FMNL2: variants seen among roughly 807,000 people sequenced by gnomAD.
FMNL2 encodes formin-like protein 2.
In FMNL2, 51 loss-of-function variants were observed where a neutral mutation model predicts 130.2. That is an observed-to-expected ratio of 0.39 (90% confidence interval 0.31 to 0.49). FMNL2 has a LOEUF of 0.49. Among genes scored for constraint, FMNL2 ranks in the 20% least tolerant of loss-of-function variants. The pLI, the probability that FMNL2 is intolerant of heterozygous loss-of-function variation, is 0.85. For synonymous variants in FMNL2, 465 were observed against 467.1 expected, an observed-to-expected ratio of 1.00 and a Z score of 0.06; for missense variants, 977 against 1,316.2, an observed-to-expected ratio of 0.74 and a Z score of 3.99.
At chr2:152,489,666 G>C (rs529543346) in intron 1 of FMNL2, among the ~76,000 whole-genome samples, 1 of 152,206 alleles carries the variant, frequency 6.6e-6, no homozygotes, top group Non-Finnish European at 1.5e-5. Context: ...ATAGTTGACA[G>C]TATTTTCCTT....
chr2:152,581,879 G>A (rs952168209), intron 9 of FMNL2, among the ~76,000 whole-genome samples: 2 of 152,152 alleles, frequency 1.3e-5, no homozygotes, highest in Non-Finnish European at 2.9e-5. Flanking sequence ...AATTCCAAAT[G>A]CTTTTGGATT....
intron 16 of FMNL2, 143 bp downstream of exon 16, chr2:152,625,705 T>G (rs1681740414): frequency 1.0e-6 from 1 of 983,674 alleles, no homozygotes; most frequent in East Asian, 2.5e-5. Flanking sequence ...TATGTAATAT[T>G]GGAGAATAAC....
intron 1 of FMNL2, among the ~76,000 whole-genome samples, chr2:152,392,049 T>C (rs1685145193): frequency 6.6e-6 from 1 of 152,094 alleles, no homozygotes; most frequent in Non-Finnish European, 1.5e-5. Context: ...ATTCATTCTT[T>C]AATTTCAAAT....
intron 1 of FMNL2, among the ~76,000 whole-genome samples, chr2:152,421,607 A>G (rs1012164986): frequency 2.6e-5 from 4 of 152,196 alleles, no homozygotes; most frequent in African/African-American, 9.6e-5. Flanking sequence ...GCTTTCTCCA[A>G]AGCCTTCTCA....
At chr2:152,395,691 A>G (rs1020858908) in intron 1 of FMNL2, among the ~76,000 whole-genome samples, 1 of 152,262 alleles carries the variant, frequency 6.6e-6, no homozygotes, top group Non-Finnish European at 1.5e-5. Flanking sequence ...GGCTCACATG[A>G]AATTGAGAGG....
At chr2:152,615,105 G>C in intron 12 of FMNL2, 105 bp downstream of exon 12, 4 of 1,256,552 alleles carry the variant, frequency 3.2e-6, no homozygotes, top group Non-Finnish European at 2.3e-6. Context: ...TGGAGTATAG[G>C]AATAGGCCAT....
chr2:152,508,833 T>A (rs1207564755), intron 1 of FMNL2, among the ~76,000 whole-genome samples: 2 of 152,186 alleles, frequency 1.3e-5, no homozygotes. Flanking sequence ...GATTTCTGCA[T>A]CCTGCCACCC....
At chr2:152,583,090 G>T (rs1696882017) in intron 9 of FMNL2, among the ~76,000 whole-genome samples, 1 of 152,182 alleles carries the variant, frequency 6.6e-6, no homozygotes, top group Non-Finnish European at 1.5e-5. Flanking sequence ...TAGCTATTTA[G>T]GGTGTAGTAT....
chr2:152,594,484 T>G (rs887711543), intron 9 of FMNL2, among the ~76,000 whole-genome samples: 5 of 152,126 alleles, frequency 3.3e-5, no homozygotes, highest in African/African-American at 1.2e-4. Flanking sequence ...ACTTGGAAGG[T>G]GGCTGCGTCA....
chr2:152,421,734 T>C (rs1040482401), intron 1 of FMNL2, among the ~76,000 whole-genome samples: 2 of 152,162 alleles, frequency 1.3e-5, no homozygotes, highest in Admixed American at 1.3e-4. Context: ...TCCTTTGTAC[T>C]GAGTCATGTG....
At chr2:152,586,993 CTG>C (rs1697117124) in intron 9 of FMNL2, among the ~76,000 whole-genome samples, 1 of 152,178 alleles carries the variant, frequency 6.6e-6, no homozygotes, top group Non-Finnish European at 1.5e-5. Flanking sequence ...CATCTGGAGG[CTG>C]TTTCACCCAC....
intron 7 of FMNL2, 151 bp from the exon 8 acceptor site, chr2:152,578,737 A>G: frequency 1.8e-6 from 1 of 549,380 alleles, no homozygotes. Context: ...ATATGCTCTG[A>G]CAGTGATATA....
chr2:152,583,673 G>A (rs1201162779), intron 9 of FMNL2, among the ~76,000 whole-genome samples: 1 of 152,182 alleles, frequency 6.6e-6, no homozygotes, highest in African/African-American at 2.4e-5. Flanking sequence ...CATAGAATAA[G>A]GTCCTAGGAG....
chr2:152,589,190 A>G (rs189347068), intron 9 of FMNL2, among the ~76,000 whole-genome samples: 70 of 152,184 alleles, frequency 4.6e-4, no homozygotes, highest in Middle Eastern at 6.8e-3. Context: ...GTACAAATGT[A>G]GAGATGCTTT....
chr2:152,378,299 A>G (rs2105887504), intron 1 of FMNL2, among the ~76,000 whole-genome samples: 1 of 152,288 alleles, frequency 6.6e-6, no homozygotes, highest in African/African-American at 2.4e-5. Flanking sequence ...GTTTGCTCTA[A>G]GTAATGTTTA....
chr2:152,338,820 TAC>T (rs58367779), intron 1 of FMNL2, among the ~76,000 whole-genome samples: 7,313 of 148,862 alleles, frequency 0.049, 473 homozygotes, highest in African/African-American at 0.15. Flanking sequence ...GAAGGTGAGA[TAC>T]ACACACACAC....
chr2:152,597,190 T>A (rs969000856), intron 9 of FMNL2, among the ~76,000 whole-genome samples: 1 of 151,768 alleles, frequency 6.6e-6, no homozygotes, highest in African/African-American at 2.4e-5. Flanking sequence ...ATGTGTTTGC[T>A]TAATTTTTAT....
At position 152,358,821 on chromosome 2, in the gene FMNL2, A is replaced by G. The variant is rs76748669; in HGVS notation, c.117+23101A>G. 9.4e-3 allele frequency among the ~76,000 whole-genome samples: 1,435 copies of G among 152,290 alleles called. 8 individuals carry two copies. Among genetic ancestry groups the G allele is most frequent in the Non-Finnish European group, 0.016 (1,081 of 68,020 alleles). Reference sequence around the variant, plus strand: ...AACGTTACAATCAAAATCCTTGTCTATGTCACCTGATGCACAGGTATAAAT... The same window carrying G: ...AACGTTACAATCAAAATCCTTGTCTGTGTCACCTGATGCACAGGTATAAAT... On this transcript the variant is annotated intron_variant, in intron 1 of 25. Coordinates refer to ENST00000288670, the MANE Select transcript of FMNL2 (RefSeq NM_052905.4).
rs531642031 is a variant in FMNL2, at chr2:152,362,294, T to C, written c.117+26574T>C. Among the ~76,000 whole-genome samples the C allele has an allele frequency of 9.2e-5, 14 of 152,326 alleles. No homozygotes were observed. The East Asian group carries it at 2.5e-3, about 27-fold the overall frequency. On this transcript the variant is annotated intron_variant, in intron 1 of 25. Transcript: ENST00000288670. ...TTCTAAATCATTTCTTAGGATGATATCAAGTACAGTGTAAAGAGTGGTGAA... is the reference window on the plus strand; with the variant it reads ...TTCTAAATCATTTCTTAGGATGATACCAAGTACAGTGTAAAGAGTGGTGAA...
Sources: allele counts gnomAD v4.1 joint callset (sites outside exome capture counted in the v4.1 genomes callset), GRCh38; gene constraint gnomAD v4.1.1; transcripts MANE v1.5; gene names NCBI Gene and HGNC (gene_info 2026-07-23, HGNC 2026-07-21).